PRDX2: variants seen among roughly 807,000 people sequenced by gnomAD.
The protein encoded by PRDX2 is peroxiredoxin 2.
A neutral mutation model predicts 19.8 loss-of-function variants in PRDX2; 10 were observed. That is an observed-to-expected ratio of 0.50 (90% CI 0.31 to 0.86). PRDX2 has a LOEUF of 0.86. Among genes scored for constraint, PRDX2 ranks in the 40% least tolerant of loss-of-function variants. The pLI, the probability that PRDX2 is intolerant of heterozygous loss-of-function variation, is 0.04. For missense variants in PRDX2, 226 were observed against 260.1 expected (o/e 0.87, Z 0.90); for synonymous variants, 118 against 108.2 (o/e 1.09, Z -0.56).
Position 12,800,535 on chromosome 19 carries a change from T to C in PRDX2, c.258-236A>G. The C allele has an allele frequency of 1.0e-5, 8 of 790,774 alleles. No homozygotes were observed. The South Asian group carries it at 1.5e-4, about 15-fold the overall frequency. 49.0% of individuals were successfully genotyped at this position (790,774 alleles called of 1,614,324 possible). ...AAGTGGCTTCACATGTACTTGTAAC[T>C]TGCAGCATCACCCAGCAGAGAGCCT... On this transcript the variant is annotated intron_variant, in intron 3 of 5. Coordinates refer to ENST00000301522, the MANE Select transcript of PRDX2 (RefSeq NM_005809.6).
chr19:12,797,915 C>A (rs1227020685), intron 5 of PRDX2, among the ~76,000 whole-genome samples: 1 of 152,034 alleles, frequency 6.6e-6, no homozygotes, highest in Admixed American at 6.6e-5. Context: ...CCACCTTGGC[C>A]TCCCAAAATG....
intron 3 of PRDX2, 105 bp downstream of exon 3, chr19:12,800,811 G>A (rs1416414494): frequency 1.9e-6 from 3 of 1,549,980 alleles, no homozygotes. Context: ...TTTCACGATG[G>A]GGAAACGCAG....
intron 5 of PRDX2, among the ~76,000 whole-genome samples, chr19:12,799,363 ATT>A (rs937934591): frequency 2.8e-5 from 4 of 144,016 alleles, no homozygotes; most frequent in Admixed American, 7.0e-5. Context: ...AACCAAGCTA[ATT>A]TTTTTTTTTT....
At chr19:12,801,380 CACTA>C in intron 1 of PRDX2, 110 bp from the exon 2 acceptor site, 1 of 1,123,944 alleles carries the variant, frequency 8.9e-7, no homozygotes, top group Non-Finnish European at 1.3e-6. Flanking sequence ...GAGGCGACAG[CACTA>C]ACCCTCACCC....
At chr19:12,800,512 G>T in intron 3 of PRDX2, 1 of 795,458 alleles carries the variant, frequency 1.3e-6, no homozygotes, top group Non-Finnish European at 1.9e-6. Context: ...CTCCAGCTAA[G>T]TGGCTTCACA....
Position 12,797,132 on chromosome 19 carries a change from C to G in PRDX2, c.546G>C (p.Thr182=). The change falls in exon 6 of 6, where the codon ACG becomes ACC. Residue 182 remains threonine (T), a synonymous_variant. Transcript: ENST00000301522. Reference sequence around the variant, plus strand: ...TGCTGTCATCCACGTTGGGCTTAATCGTGTCACTGCCAGGCTTCCAGCCAG... The same window carrying G: ...TGCTGTCATCCACGTTGGGCTTAATGGTGTCACTGCCAGGCTTCCAGCCAG... The part of the protein sequence containing the change: ...CPAGWKPGSD[T]IKPNVDDSKE... 1 of 1,614,120 alleles carries G rather than the reference C, an allele frequency of 6.2e-7. No homozygotes were observed. The highest frequency in any genetic ancestry group is 8.5e-7 in the Non-Finnish European group (1 of 1,179,996).
chr19:12,801,122 C>A, intron 2 of PRDX2, 37 bp downstream of exon 2: 1 of 1,613,886 alleles, frequency 6.2e-7, no homozygotes, highest in Non-Finnish European at 8.5e-7. Context: ...CATGCACGGC[C>A]CCGCTTCTAC....
Position 12,797,126 on chromosome 19 carries a change from C to T in PRDX2, c.552G>A (p.Lys184=), listed in dbSNP as rs776575206. ...AGWKPGSDTI[K]PNVDDSKEYF... is the part of the protein sequence containing the mutation. Reference sequence around the variant, plus strand: ...ATTCCTTGCTGTCATCCACGTTGGGCTTAATCGTGTCACTGCCAGGCTTCC... The same window carrying T: ...ATTCCTTGCTGTCATCCACGTTGGGTTTAATCGTGTCACTGCCAGGCTTCC... The change falls in exon 6 of 6, where the codon AAG becomes AAA. Residue 184 remains lysine, a synonymous_variant. Coordinates refer to ENST00000301522, the MANE Select transcript of PRDX2 (RefSeq NM_005809.6). The T allele has an allele frequency of 1.9e-6, 3 of 1,614,146 alleles. No individual in the cohort carries two copies. The highest frequency in any genetic ancestry group is 1.7e-5 in the Admixed American group (1 of 60,014).
intron 5 of PRDX2, among the ~76,000 whole-genome samples, chr19:12,798,368 G>A (rs1162951403): frequency 2.4e-5 from 3 of 127,426 alleles, no homozygotes; most frequent in Non-Finnish European, 5.0e-5. Flanking sequence ...TATTTTTTGA[G>A]ACGGAGTTTC....
In PRDX2 at chr19:12,797,152, A is replaced by T; in HGVS notation, c.526T>A (p.Trp176Arg). ...DEHGEVCPAG[W>R]KPGSDTIKPN... ...TTAATCGTGTCACTGCCAGGCTTCC[A>T]GCCAGCGGGACAAACTGTGGGAAGA... The change falls in exon 6 of 6, where the codon TGG becomes AGG. Residue 176 changes from tryptophan to arginine, a missense_variant. Transcript: ENST00000301522. 1 of 1,614,058 alleles carries T rather than the reference A, an allele frequency of 6.2e-7. No individual in the cohort carries two copies. Among genetic ancestry groups the T allele is most frequent in the Non-Finnish European group, 8.5e-7 (1 of 1,179,938 alleles).
At position 12,797,656 on chromosome 19, in the gene PRDX2, C is replaced by CTTTCTTTTTTTTTTT. The variant is rs1321932913; in HGVS notation, c.512-491_512-490insAAAAAAAAAAAGAAA. 4.6e-4 allele frequency among the ~76,000 whole-genome samples: 52 copies of CTTTCTTTTTTTTTTT among 113,058 alleles called. 1 individual carries two copies. Among genetic ancestry groups the CTTTCTTTTTTTTTTT allele is most frequent in the African/African-American group, 6.9e-4 (19 of 27,570 alleles). 74.2% of individuals were successfully genotyped at this position (113,058 alleles called of 152,430 possible). On this transcript the variant is annotated intron_variant, in intron 5 of 5. Coordinates refer to ENST00000301522, the MANE Select transcript of PRDX2 (RefSeq NM_005809.6). ...TTCTTTTCTTCTTTTTTCTTTCTTT[C>CTTTCTTTTTTTTTTT]TTTTTTTTTTTTTTTTTTTGAGACA... is the stretch of plus-strand genomic sequence containing the variant.
At chr19:12,797,306 C>A in intron 5 of PRDX2, 140 bp from the exon 6 acceptor site, 1 of 656,436 alleles carries the variant, frequency 1.5e-6, no homozygotes, top group South Asian at 1.8e-5. Flanking sequence ...ATAAACCCTC[C>A]AAGCCCAGTT....
chr19:12,801,356 G>A (rs1183290515), intron 1 of PRDX2, 86 bp from the exon 2 acceptor site: 2 of 1,365,940 alleles, frequency 1.5e-6, no homozygotes, highest in African/African-American at 1.4e-5. Flanking sequence ...CCCTATGACT[G>A]AGTCAGCACG....
intron 5 of PRDX2, among the ~76,000 whole-genome samples, chr19:12,797,718 C>A (rs1274356456): frequency 7.2e-6 from 1 of 139,532 alleles, no homozygotes; most frequent in Non-Finnish European, 1.5e-5. Flanking sequence ...AGTGCAATGG[C>A]GTGATCTCGG....
At position 12,797,656 on chromosome 19, in the gene PRDX2, CT is replaced by C. The variant is rs1555733212; in HGVS notation, c.512-491del. The stretch of plus-strand genomic sequence containing the variant: ...TTCTTTTCTTCTTTTTTCTTTCTTT[CT>C]TTTTTTTTTTTTTTTTTTGAGACAG... On this transcript the variant is annotated intron_variant, in intron 5 of 5. Transcript: ENST00000301522. Among the ~76,000 whole-genome samples, 281 of 113,054 alleles carry C rather than the reference CT, an allele frequency of 2.5e-3. 1 individual carries two copies. Among genetic ancestry groups the C allele is most frequent in the African/African-American group, 4.9e-3 (134 of 27,572 alleles). The allele number at this position is 113,054 out of a possible 152,430, so 74.2% of individuals were successfully genotyped here.
At position 12,800,999 on chromosome 19, in the gene PRDX2, G is replaced by C; in HGVS notation, c.174C>G (p.Phe58Leu). The C allele has an allele frequency of 6.2e-7, 1 of 1,612,566 alleles. No homozygotes were observed. Among genetic ancestry groups the C allele is most frequent in the Non-Finnish European group, 8.5e-7 (1 of 1,179,752 alleles). ...TGCGGAAGTCCTCTGCACGGTTGCT[G>C]AACGCGATGATCTCGGTGGGGCACA... ...TFVCPTEIIA[F>L]SNRAEDFRKL... is the part of the protein sequence containing the mutation. Residue 58 changes from phenylalanine (F) to leucine (L), a missense_variant, in exon 3 of 6, where the codon TTC (phenylalanine) becomes TTG (leucine). By Grantham distance (22) the Phe-to-Leu change is conservative (BLOSUM62 0). Coordinates refer to ENST00000301522, the MANE Select transcript of PRDX2 (RefSeq NM_005809.6).
At chr19:12,799,813 G>A (rs751136846) in intron 5 of PRDX2, 46 bp downstream of exon 5, 13 of 1,594,530 alleles carry the variant, frequency 8.2e-6, no homozygotes, top group African/African-American at 2.7e-5. Flanking sequence ...CATGAGTGAC[G>A]GAGGCGCTCA....
chr19:12,798,938 GGC>G lies in PRDX2; in HGVS notation c.511+919_511+920del, dbSNP rs1347819105. On this transcript the variant is annotated intron_variant, in intron 5 of 5. Transcript: ENST00000301522. ...TGTTTTTGAGATGGAGTCTCACACT[GGC>G]GCCCAGGCTGGAGTGCAGTGGTGTG... Among the ~76,000 whole-genome samples the G allele has an allele frequency of 2.0e-5, 3 of 151,950 alleles. No homozygotes were observed. The East Asian group carries it at 5.8e-4, about 29-fold the overall frequency.
intron 3 of PRDX2, chr19:12,800,507 G>A (rs868241251): frequency 1.3e-6 from 1 of 795,334 alleles, no homozygotes. Context: ...CACAGCTCCA[G>A]CTAAGTGGCT....
Sources: allele counts gnomAD v4.1 joint callset (sites outside exome capture counted in the v4.1 genomes callset), GRCh38; gene constraint gnomAD v4.1.1; transcripts MANE v1.5; gene names NCBI Gene and HGNC (gene_info 2026-07-23, HGNC 2026-07-21).